The following SLC39A11 variants were observed in gnomAD, a reference collection of about 807,000 sequenced individuals.
SLC39A11 encodes zinc transporter ZIP11.
Under a neutral mutation model 36.1 loss-of-function variants are expected in SLC39A11, and 33 were observed. The ratio of observed to expected loss-of-function variants is 0.91; its 90% confidence interval spans 0.69 to 1.22. The LOEUF (loss-of-function observed/expected upper bound fraction) is 1.22. Among genes scored for constraint, SLC39A11 ranks in the 50% most tolerant of loss-of-function variants. The pLI, the probability that SLC39A11 is intolerant of heterozygous loss-of-function variation, is 0.00. For synonymous variants in SLC39A11, 166 were observed against 170.3 expected, an observed-to-expected ratio of 0.97 and a Z score of 0.20; for missense variants, 432 against 430.3, an observed-to-expected ratio of 1.00 and a Z score of -0.03.
chr17:73,064,288 G>A (rs2059932685), intron 3 of SLC39A11, among the ~76,000 whole-genome samples: 1 of 152,070 alleles, frequency 6.6e-6, no homozygotes, highest in African/African-American at 2.4e-5. Context: ...AGAAGCCAGG[G>A]CACAGTGGCA....
At position 73,084,171 on chromosome 17, in the gene SLC39A11, C is replaced by T. The variant is rs1444169479; in HGVS notation, c.147+637G>A. On this transcript the variant is annotated intron_variant, in intron 3 of 9. Coordinates refer to ENST00000255559, the MANE Select transcript of SLC39A11 (RefSeq NM_139177.4). ...GTCTATAATATGCTGGGTTCCATAA[C>T]TCACGCCTGTAATCCCAGCACTTTT... is the stretch of plus-strand genomic sequence containing the variant. 2.6e-5 allele frequency among the ~76,000 whole-genome samples: 4 copies of T among 152,080 alleles called. No individual in the cohort carries two copies. In the East Asian group the frequency reaches 7.7e-4, roughly 29 times the overall value.
intron 4 of SLC39A11, among the ~76,000 whole-genome samples, chr17:72,958,060 C>A (rs1464299701): frequency 6.6e-6 from 1 of 152,090 alleles, no homozygotes; most frequent in Non-Finnish European, 1.5e-5. Flanking sequence ...GAAATAAACC[C>A]AAATACTTAA....
At chr17:73,044,074 C>A in intron 3 of SLC39A11, among the ~76,000 whole-genome samples, 1 of 152,158 alleles carries the variant, frequency 6.6e-6, no homozygotes. Context: ...TTCTTAGCTA[C>A]GCCTACCCAG....
rs1356469860 is a variant in SLC39A11, at chr17:72,750,109, G to C, written c.602-13390C>G. 2.0e-5 allele frequency among the ~76,000 whole-genome samples: 3 copies of C among 152,318 alleles called. No homozygotes were observed. The East Asian group carries it at 5.8e-4, about 30-fold the overall frequency. ...AGGAATCAGGTGAACCTCTGCAGCA[G>C]GTGGGTGGCGCCCATTCTGTGCCCC... On this transcript the variant is annotated intron_variant, in intron 6 of 9. Transcript: ENST00000255559.
At chr17:73,020,793 C>T (rs907796549) in intron 4 of SLC39A11, among the ~76,000 whole-genome samples, 82 of 148,022 alleles carry the variant, frequency 5.5e-4, no homozygotes, top group Non-Finnish European at 5.8e-4. Flanking sequence ...AGCAATTCTC[C>T]TGCCCCAGCC....
At chr17:73,045,218 T>C (rs2059240027) in intron 3 of SLC39A11, among the ~76,000 whole-genome samples, 1 of 151,874 alleles carries the variant, frequency 6.6e-6, no homozygotes, top group Non-Finnish European at 1.5e-5. Flanking sequence ...ATGGAAGTCA[T>C]ACCCAAAGGG....
chr17:72,902,164 C>T (rs1181155146), intron 5 of SLC39A11, among the ~76,000 whole-genome samples: 4 of 151,864 alleles, frequency 2.6e-5, no homozygotes, highest in Non-Finnish European at 4.4e-5. Flanking sequence ...CCAGCTACTC[C>T]GGAGGCTGAG....
chr17:72,784,307 G>A (rs1022106807), intron 6 of SLC39A11, among the ~76,000 whole-genome samples: 5 of 152,082 alleles, frequency 3.3e-5, no homozygotes, highest in South Asian at 2.1e-4. Flanking sequence ...ATGGCACCAC[G>A]ATACGCCAGC....
chr17:72,801,631 G>A (rs1386861309), intron 6 of SLC39A11, among the ~76,000 whole-genome samples: 1 of 152,230 alleles, frequency 6.6e-6, no homozygotes, highest in East Asian at 1.9e-4. Flanking sequence ...TGTATGGTAT[G>A]TGAATTAAAT....
intron 7 of SLC39A11, among the ~76,000 whole-genome samples, chr17:72,684,332 G>A (rs182841503): frequency 1.8e-4 from 27 of 152,288 alleles, no homozygotes; most frequent in Admixed American, 3.9e-4. Context: ...GCCCAGGCTC[G>A]TGGGACAGGC....
intron 5 of SLC39A11, among the ~76,000 whole-genome samples, chr17:72,931,449 G>A (rs1374914467): frequency 3.9e-5 from 6 of 152,122 alleles, no homozygotes; most frequent in Non-Finnish European, 8.8e-5. Flanking sequence ...ACTGTGCCTC[G>A]AAGGCTATGC....
chr17:72,833,717 C>T (rs115472518), intron 6 of SLC39A11, among the ~76,000 whole-genome samples: 2,924 of 152,274 alleles, frequency 0.019, 93 homozygotes, highest in African/African-American at 0.066. Context: ...TAACACATAA[C>T]ACCAGAGGAC....
intron 7 of SLC39A11, among the ~76,000 whole-genome samples, chr17:72,728,266 A>T (rs2074013755): frequency 6.6e-6 from 1 of 152,042 alleles, no homozygotes; most frequent in Admixed American, 6.6e-5. Flanking sequence ...GGGCAAACTC[A>T]ATCTCTACAA....
At chr17:72,810,332 A>G (rs2077395260) in intron 6 of SLC39A11, among the ~76,000 whole-genome samples, 1 of 152,204 alleles carries the variant, frequency 6.6e-6, no homozygotes, top group Admixed American at 6.5e-5. Flanking sequence ...AATAGCCCAA[A>G]CTGGAAACAC....
rs551450177 is a variant in SLC39A11 at position 73,067,349 on chromosome 17, C to T, written c.147+17459G>A. ...CTACCTCCCTCCTGCCACTTTGTAGCATGGAAGGCAGATGTGATGACTTGA... is the reference window on the plus strand; with the variant it reads ...CTACCTCCCTCCTGCCACTTTGTAGTATGGAAGGCAGATGTGATGACTTGA... On this transcript the variant is annotated intron_variant, in intron 3 of 9. Coordinates refer to ENST00000255559, the MANE Select transcript of SLC39A11 (RefSeq NM_139177.4). Among the ~76,000 whole-genome samples, 7 of 152,292 alleles carry T rather than the reference C, an allele frequency of 4.6e-5. No individual in the cohort carries two copies. The South Asian group carries it at 1.0e-3, about 23-fold the overall frequency.
At chr17:72,995,734 C>A (rs190552173) in intron 4 of SLC39A11, among the ~76,000 whole-genome samples, 27 of 152,320 alleles carry the variant, frequency 1.8e-4, no homozygotes, top group Admixed American at 5.2e-4. Context: ...ATGAATTCCC[C>A]AAGATTTTCC....
intron 6 of SLC39A11, among the ~76,000 whole-genome samples, chr17:72,781,696 G>A (rs1032993468): frequency 8.5e-5 from 13 of 152,138 alleles, no homozygotes; most frequent in Non-Finnish European, 1.6e-4. Flanking sequence ...TGGGATTACA[G>A]GCGTGAGCCA....
chr17:72,797,602 C>A (rs1244556585), intron 6 of SLC39A11, among the ~76,000 whole-genome samples: 4 of 152,062 alleles, frequency 2.6e-5, no homozygotes, highest in African/African-American at 9.7e-5. Context: ...CATTCTAATA[C>A]CAGCAGCCTC....
chr17:73,045,650 C>T (rs1276503885), intron 3 of SLC39A11, among the ~76,000 whole-genome samples: 1 of 152,138 alleles, frequency 6.6e-6, no homozygotes, highest in Non-Finnish European at 1.5e-5. Flanking sequence ...ACCCATTACT[C>T]TGAATAATAG....
Sources: allele counts gnomAD v4.1 joint callset (sites outside exome capture counted in the v4.1 genomes callset), GRCh38; gene constraint gnomAD v4.1.1; transcripts MANE v1.5; gene names NCBI Gene and HGNC (gene_info 2026-07-23, HGNC 2026-07-21).